Variants in SLC36A4 observed in about 807,000 individuals in gnomAD.
SLC36A4 encodes the protein neutral amino acid uniporter 4.
A neutral mutation model predicts 50.5 loss-of-function variants in SLC36A4; 49 were observed. The ratio of observed to expected loss-of-function variants is 0.97; its 90% CI spans 0.77 to 1.23. The LOEUF (loss-of-function observed/expected upper bound fraction) is 1.23. Among genes scored for constraint, SLC36A4 ranks in the 50% most tolerant of loss-of-function variants. SLC36A4 has a pLI of 0.00. For synonymous variants in SLC36A4, 207 were observed against 206.5 expected (o/e 1.00, Z -0.02); for missense variants, 611 against 608.4 (o/e 1.00, Z -0.05).
chr11:93,150,724 G>A (rs1229650962), intron 10 of SLC36A4, among the ~76,000 whole-genome samples: 1 of 151,948 alleles, frequency 6.6e-6, no homozygotes, highest in Non-Finnish European at 1.5e-5. Context: ...TTGCTCTCTA[G>A]GGAGCTATAG....
intron 1 of SLC36A4, among the ~76,000 whole-genome samples, chr11:93,187,252 A>G (rs946930693): frequency 1.3e-5 from 2 of 152,082 alleles, no homozygotes; most frequent in African/African-American, 2.4e-5. Flanking sequence ...GTTCCTGAAG[A>G]TATTTTCTTT....
intron 1 of SLC36A4, among the ~76,000 whole-genome samples, chr11:93,192,361 G>C (rs1862249152): frequency 1.3e-5 from 2 of 152,130 alleles, no homozygotes; most frequent in Non-Finnish European, 2.9e-5. Flanking sequence ...GGGCAGGGTA[G>C]CCAGAGAGGA....
At chr11:93,166,143 G>T in intron 7 of SLC36A4, 127 bp from the exon 8 acceptor site, 1 of 1,265,030 alleles carries the variant, frequency 7.9e-7, no homozygotes, top group Non-Finnish European at 1.0e-6. Context: ...TTGAATAATT[G>T]TTTCAACAAA....
In SLC36A4 at chr11:93,146,981, T is replaced by C. The variant is rs1417747533; in HGVS notation, c.*1556A>G. 6.6e-6 allele frequency: 1 copy of C among 152,080 alleles called. No homozygotes were observed. Among genetic ancestry groups the C allele is most frequent in the African/African-American group, 2.4e-5 (1 of 41,444 alleles). 9.4% of individuals were successfully genotyped at this position (152,080 alleles called of 1,614,324 possible). On this transcript the variant is annotated 3_prime_UTR_variant, in exon 11 of 11. Coordinates refer to ENST00000326402, the MANE Select transcript of SLC36A4 (RefSeq NM_152313.4). ...TATGATTCTTGTATATATTTATTGT[T>C]GTTTTAGTTTTTAAGAGTTGGGATC...
Position 93,148,414 on chromosome 11 carries a change from A to T in SLC36A4, c.*123T>A. The T allele has an allele frequency of 2.3e-6, 2 of 871,212 alleles. No homozygotes were observed. The highest frequency in any genetic ancestry group is 3.6e-6 in the Non-Finnish European group (2 of 551,778). The allele number at this position is 871,212 out of a possible 1,614,324, so 54.0% of individuals were successfully genotyped here. A position where few individuals can be genotyped will look rare whatever the true frequency, so the allele number is the denominator to read the frequency against. ...GAGTTATGATTACTTCCAAAATATT[A>T]ATATCGTGCCAAAGAAAACAGAGTT... is the stretch of plus-strand genomic sequence containing the variant. On this transcript the variant is annotated 3_prime_UTR_variant, in exon 11 of 11. Transcript: ENST00000326402.
At chr11:93,152,712 AT>A (rs1272295674) in intron 10 of SLC36A4, 1 of 152,230 alleles carries the variant, frequency 6.6e-6, no homozygotes, top group Admixed American at 6.6e-5. Flanking sequence ...TTATAAAAAA[AT>A]CCTAGACCCC....
At chr11:93,154,037 A>G in intron 10 of SLC36A4, 71 bp downstream of exon 10, 1 of 706,914 alleles carries the variant, frequency 1.4e-6, no homozygotes, top group Non-Finnish European at 2.1e-6. Context: ...TTAAGAAATT[A>G]CATCTTATAT....
chr11:93,157,785 G>A (rs975161422), intron 9 of SLC36A4, among the ~76,000 whole-genome samples: 2 of 152,130 alleles, frequency 1.3e-5, no homozygotes, highest in African/African-American at 2.4e-5. Flanking sequence ...TGGGGTTTTC[G>A]AGATATAGGA....
chr11:93,187,460 T>C (rs749725169), intron 1 of SLC36A4, among the ~76,000 whole-genome samples: 1 of 152,230 alleles, frequency 6.6e-6, no homozygotes, highest in South Asian at 2.1e-4. Context: ...ATTACATGCA[T>C]GTTGGGTCTT....
rs183413413 is a variant in SLC36A4 at position 93,186,178 on chromosome 11, G to C, written c.56-364C>G. Among the ~76,000 whole-genome samples the C allele has an allele frequency of 7.2e-3, 1,095 of 152,176 alleles. 11 individuals are homozygous for C. Among genetic ancestry groups the C allele is most frequent in the African/African-American group, 0.025 (1,038 of 41,520 alleles). ...GCTTAGCTTCAAATCATACTGTACAGGTAAATAGTAATCACGTTTTTAAAT... is the reference window on the plus strand; with the variant it reads ...GCTTAGCTTCAAATCATACTGTACACGTAAATAGTAATCACGTTTTTAAAT... On this transcript the variant is annotated intron_variant, in intron 1 of 10. Coordinates refer to ENST00000326402, the MANE Select transcript of SLC36A4 (RefSeq NM_152313.4).
At chr11:93,160,734 C>T in intron 9 of SLC36A4, 1 of 983,990 alleles carries the variant, frequency 1.0e-6, no homozygotes, top group East Asian at 1.1e-4. Context: ...GTAAATAAGA[C>T]CGGGAAAGAA....
chr11:93,194,710 C>T (rs1001951159), intron 1 of SLC36A4, among the ~76,000 whole-genome samples: 26 of 152,160 alleles, frequency 1.7e-4, no homozygotes, highest in Middle Eastern at 3.2e-3. Context: ...TGTTCACAGG[C>T]ACACACACAT....
At chr11:93,151,042 T>C (rs1333055723) in intron 10 of SLC36A4, among the ~76,000 whole-genome samples, 1 of 152,066 alleles carries the variant, frequency 6.6e-6, no homozygotes. Flanking sequence ...AATCATGAAG[T>C]ATAATTCTCA....
rs371565740 is a variant in SLC36A4, at chr11:93,154,173, T to C, written c.1142A>G (p.Lys381Arg). 7 of 1,568,592 alleles carry C rather than the reference T, an allele frequency of 4.5e-6. No individual in the cohort carries two copies. The African/African-American group carries it at 9.6e-5, about 21-fold the overall frequency. ...GATTTGCTTCCATTTAGTATGAAAT[T>C]TGGATGTGATCCCAGGGATAATGAT... ...AEIIIPGITS[K>R]FHTKWKQICE... Residue 381 changes from lysine (K) to arginine (R), a missense_variant, in exon 10 of 11, where the codon AAA (lysine) becomes AGA (arginine). Physicochemically the swap from Lys to Arg is conservative, Grantham distance 26 (BLOSUM62 2). Coordinates refer to ENST00000326402, the MANE Select transcript of SLC36A4 (RefSeq NM_152313.4).
rs138260870 is a variant in SLC36A4, at chr11:93,148,599, C to T, written c.1453G>A (p.Gly485Ser). 8 of 1,612,718 alleles carry T rather than the reference C, an allele frequency of 5.0e-6. No individual in the cohort carries two copies. The highest frequency in any genetic ancestry group is 2.7e-5 in the African/African-American group (2 of 74,944). ...IIYPTPKVVA[G>S]TPQSPFLNLN... The stretch of plus-strand genomic sequence containing the variant: ...TTTAGAAAAGGACTCTGTGGAGTGC[C>T]AGCTACAACTTTGGGAGTAGGATAA... The change falls in exon 11 of 11, where the codon GGC becomes AGC. Residue 485 changes from glycine (G) to serine (S), a missense_variant. Gly to Ser is a moderately conservative substitution (Grantham distance 56). Transcript: ENST00000326402.
chr11:93,174,751 T>G (rs1210402957), intron 6 of SLC36A4, among the ~76,000 whole-genome samples: 1 of 146,336 alleles, frequency 6.8e-6, no homozygotes. Context: ...GGATTACATT[T>G]ATTGATTTGC....
intron 1 of SLC36A4, among the ~76,000 whole-genome samples, chr11:93,195,209 C>A (rs1177405081): frequency 1.3e-5 from 2 of 151,502 alleles, no homozygotes; most frequent in Non-Finnish European, 2.9e-5. Context: ...CTAAGTCCAG[C>A]CCCCACTTGA....
chr11:93,196,913 G>A (rs1862453819), intron 1 of SLC36A4, among the ~76,000 whole-genome samples: 1 of 152,206 alleles, frequency 6.6e-6, no homozygotes, highest in Non-Finnish European at 1.5e-5. Context: ...CACAGTGTTT[G>A]CACACAGTAA....
intron 7 of SLC36A4, chr11:93,167,133 C>T (rs199773028): frequency 6.6e-6 from 1 of 152,030 alleles, no homozygotes; most frequent in Non-Finnish European, 1.5e-5. Flanking sequence ...GAAACTACAA[C>T]TTTTGAAAAT....
Sources: gnomAD v4.1 joint callset for allele counts (sites outside exome capture counted in the v4.1 genomes callset) on GRCh38, gnomAD v4.1.1 for gene constraint, MANE v1.5 for transcripts, NCBI Gene and HGNC (gene_info 2026-07-23, HGNC 2026-07-21) for gene names.